Variants in RUNX2 observed in about 807,000 individuals in gnomAD.
The protein encoded by RUNX2 is runt-related transcription factor 2.
RUNX2 carries 10 observed loss-of-function variants against 51.7 expected under a neutral mutation model. The ratio of observed to expected loss-of-function variants is 0.19; its 90% CI spans 0.12 to 0.33. The LOEUF is 0.33. RUNX2 is among the 10% of genes least tolerant of loss of function. The probability of loss-of-function intolerance (pLI) is 1.00; values close to 1 mark genes in which losing one functional copy is unlikely to be tolerated. For synonymous variants in RUNX2, 276 were observed against 273.6 expected, an observed-to-expected ratio of 1.01 and a Z score of -0.09; for missense variants, 562 against 691.3, an observed-to-expected ratio of 0.81 and a Z score of 2.10.
At chr6:45,459,253 C>A in intron 5 of RUNX2, among the ~76,000 whole-genome samples, 1 of 152,148 alleles carries the variant, frequency 6.6e-6, no homozygotes, top group East Asian at 1.9e-4. Flanking sequence ...AACCGTATTC[C>A]CACAGAGCAG....
At chr6:45,512,194 C>T in intron 6 of RUNX2, 52 bp from the exon 7 acceptor site, 1 of 1,591,706 alleles carries the variant, frequency 6.3e-7, no homozygotes, top group Non-Finnish European at 8.6e-7. Context: ...TTGCATGTTT[C>T]TAAGGCTGCA....
intron 2 of RUNX2, among the ~76,000 whole-genome samples, chr6:45,383,400 G>A (rs188677536): frequency 2.0e-4 from 31 of 152,138 alleles, no homozygotes; most frequent in African/African-American, 6.3e-4. Flanking sequence ...TAGCGCCACC[G>A]CACTCCAGCC....
chr6:45,507,364 G>A (rs1277381808), intron 6 of RUNX2, among the ~76,000 whole-genome samples: 2 of 152,146 alleles, frequency 1.3e-5, no homozygotes, highest in Admixed American at 1.3e-4. Flanking sequence ...GATGATGCCT[G>A]AAAAACATCT....
intron 2 of RUNX2, among the ~76,000 whole-genome samples, chr6:45,388,646 A>C (rs1282294650): frequency 6.6e-6 from 1 of 152,224 alleles, no homozygotes; most frequent in Non-Finnish European, 1.5e-5. Flanking sequence ...AAACTATGTT[A>C]CTCAACCACA....
chr6:45,479,043 G>C (rs1259235636), intron 5 of RUNX2, among the ~76,000 whole-genome samples: 2 of 152,028 alleles, frequency 1.3e-5, no homozygotes, highest in African/African-American at 4.8e-5. Flanking sequence ...CACGCAATAG[G>C]ACAGACTTTC....
intron 7 of RUNX2, among the ~76,000 whole-genome samples, chr6:45,524,279 A>G (rs1801600591): frequency 6.6e-6 from 1 of 152,250 alleles, no homozygotes; most frequent in Admixed American, 6.5e-5. Flanking sequence ...ATGTAAATAA[A>G]AATAAAATGC....
chr6:45,433,611 C>T (rs1025089579), intron 4 of RUNX2, among the ~76,000 whole-genome samples: 3 of 151,930 alleles, frequency 2.0e-5, no homozygotes, highest in Admixed American at 2.0e-4. Context: ...TATATAGATG[C>T]TGCATAACTT....
chr6:45,398,841 C>A (rs1205704214), intron 2 of RUNX2, among the ~76,000 whole-genome samples: 1 of 152,146 alleles, frequency 6.6e-6, no homozygotes, highest in African/African-American at 2.4e-5. Context: ...ATTATTGGTC[C>A]CATTTTAGAC....
intron 2 of RUNX2, among the ~76,000 whole-genome samples, chr6:45,378,852 T>C (rs1797139726): frequency 6.6e-6 from 1 of 152,346 alleles, no homozygotes; most frequent in East Asian, 1.9e-4. Flanking sequence ...TATGAAGTCT[T>C]ATTTATATTT....
At chr6:45,383,354 T>C (rs969079349) in intron 2 of RUNX2, among the ~76,000 whole-genome samples, 1 of 152,002 alleles carries the variant, frequency 6.6e-6, no homozygotes, top group African/African-American at 2.4e-5. Flanking sequence ...GGAGAATCGC[T>C]TGGACCCAGG....
chr6:45,381,379 T>C (rs1797238221), intron 2 of RUNX2, among the ~76,000 whole-genome samples: 1 of 152,228 alleles, frequency 6.6e-6, no homozygotes, highest in African/African-American at 2.4e-5. Context: ...TTGTGCAGAA[T>C]AATTTCAGCA....
At chr6:45,459,559 A>G (rs1383139884) in intron 5 of RUNX2, among the ~76,000 whole-genome samples, 1 of 152,256 alleles carries the variant, frequency 6.6e-6, no homozygotes, top group Non-Finnish European at 1.5e-5. Flanking sequence ...CAATTCGGCT[A>G]TCACATGTTC....
chr6:45,369,587 G>A (rs1181306974), intron 2 of RUNX2, among the ~76,000 whole-genome samples: 2 of 151,786 alleles, frequency 1.3e-5, no homozygotes, highest in Admixed American at 6.6e-5. Context: ...ACAGTGTATC[G>A]TATCCTCCCT....
intron 2 of RUNX2, among the ~76,000 whole-genome samples, chr6:45,339,771 TTTAA>T (rs143377535): frequency 4.9e-4 from 74 of 152,306 alleles, no homozygotes; most frequent in Admixed American, 9.2e-4. Flanking sequence ...AAAGTTTTAA[TTTAA>T]TTAGACAACA....
chr6:45,390,797 C>T (rs1343995805), intron 2 of RUNX2, among the ~76,000 whole-genome samples: 1 of 152,100 alleles, frequency 6.6e-6, no homozygotes, highest in East Asian at 1.9e-4. Context: ...AGGAGAGAAG[C>T]TGGATAACTG....
chr6:45,498,954 G>A (rs1158129481), intron 6 of RUNX2, among the ~76,000 whole-genome samples: 2 of 152,172 alleles, frequency 1.3e-5, no homozygotes, highest in East Asian at 1.9e-4. Flanking sequence ...AGTGGGCCTG[G>A]GGTGATGTTG....
chr6:45,463,775 A>G (rs1799547532), intron 5 of RUNX2, among the ~76,000 whole-genome samples: 1 of 152,046 alleles, frequency 6.6e-6, no homozygotes, highest in South Asian at 2.1e-4. Flanking sequence ...TTGCATCCAG[A>G]TCTTTACTTT....
intron 2 of RUNX2, among the ~76,000 whole-genome samples, chr6:45,396,644 G>T (rs1017560132): frequency 6.6e-6 from 1 of 152,134 alleles, no homozygotes; most frequent in African/African-American, 2.4e-5. Flanking sequence ...GGGCTCCAGC[G>T]ATCCTCTTGC....
intron 2 of RUNX2, among the ~76,000 whole-genome samples, chr6:45,330,365 A>G (rs1464074772): frequency 6.6e-6 from 1 of 152,020 alleles, no homozygotes; most frequent in Non-Finnish European, 1.5e-5. Context: ...AGATAAAAGG[A>G]AAAAGAATAG....
Sources: gnomAD v4.1 joint callset for allele counts (sites outside exome capture counted in the v4.1 genomes callset) on GRCh38, gnomAD v4.1.1 for gene constraint, MANE v1.5 for transcripts, NCBI Gene and HGNC (gene_info 2026-07-23, HGNC 2026-07-21) for gene names.